The following PDE8B variants were observed in gnomAD, a reference collection of about 807,000 sequenced individuals.
The protein encoded by PDE8B is phosphodiesterase 8B.
Under a neutral mutation model 101.3 loss-of-function variants are expected in PDE8B, and 26 were observed. That is an observed-to-expected ratio of 0.26 (90% CI 0.19 to 0.36). The LOEUF (loss-of-function observed/expected upper bound fraction) is 0.36. Among genes scored for constraint, PDE8B ranks in the 10% least tolerant of loss-of-function variants. PDE8B has a pLI of 1.00. For synonymous variants in PDE8B, 424 were observed against 429.3 expected (o/e 0.99, Z 0.15); for missense variants, 810 against 1,163.1 (o/e 0.70, Z 4.42).
chr5:77,421,693 A>C (rs900484191), intron 19 of PDE8B, 128 bp from the exon 20 acceptor site: 19 of 807,808 alleles, frequency 2.4e-5, no homozygotes, highest in Non-Finnish European at 4.0e-5. Context: ...AAAAAAGGAA[A>C]AGCTGCCTTC....
intron 1 of PDE8B, among the ~76,000 whole-genome samples, chr5:77,219,098 T>C (rs1221864441): frequency 6.6e-6 from 1 of 152,204 alleles, no homozygotes; most frequent in Non-Finnish European, 1.5e-5. Context: ...GAGCCTGCAC[T>C]CAGCAGAATT....
At chr5:77,223,646 C>G (rs1751694503) in intron 1 of PDE8B, among the ~76,000 whole-genome samples, 1 of 152,056 alleles carries the variant, frequency 6.6e-6, no homozygotes, top group South Asian at 2.1e-4. Context: ...GTTTGTAGCT[C>G]CATTTTTGCT....
chr5:77,121,600 C>T, the PDE8B span, among the ~76,000 whole-genome samples: 7 of 151,870 alleles, frequency 4.6e-5, no homozygotes, highest in African/African-American at 1.5e-4. Flanking sequence ...CTCCGCCTCC[C>T]GGGTTCAAGC....
the PDE8B span, among the ~76,000 whole-genome samples, chr5:77,161,351 T>C: frequency 6.6e-6 from 1 of 152,194 alleles, no homozygotes; most frequent in Non-Finnish European, 1.5e-5. Flanking sequence ...GTCGTATTAG[T>C]AGTTTGTTCC....
chr5:77,315,650 A>G (rs1490096678), intron 2 of PDE8B, among the ~76,000 whole-genome samples: 2 of 152,186 alleles, frequency 1.3e-5, no homozygotes, highest in African/African-American at 2.4e-5. Context: ...TTTTGTGACT[A>G]TGTGATCTAT....
chr5:77,158,570 C>G, the PDE8B span, among the ~76,000 whole-genome samples: 1 of 152,166 alleles, frequency 6.6e-6, no homozygotes, highest in African/African-American at 2.4e-5. Context: ...AGAAGGACAT[C>G]TGGTTGATTC....
intron 10 of PDE8B, among the ~76,000 whole-genome samples, chr5:77,364,124 C>T (rs1783668447): frequency 6.6e-6 from 1 of 152,192 alleles, no homozygotes; most frequent in Non-Finnish European, 1.5e-5. Flanking sequence ...ACTGGAGGCC[C>T]AGACCTGCGT....
chr5:77,384,480 A>T (rs915016361), intron 10 of PDE8B, among the ~76,000 whole-genome samples: 4 of 152,116 alleles, frequency 2.6e-5, no homozygotes, highest in African/African-American at 9.7e-5. Context: ...CTCTTGCCTG[A>T]TTGCCCTTGC....
chr5:77,354,403 T>C (rs1781711116), intron 10 of PDE8B, among the ~76,000 whole-genome samples: 1 of 152,186 alleles, frequency 6.6e-6, no homozygotes, highest in South Asian at 2.1e-4. Flanking sequence ...TGTTTTCACA[T>C]AATACCATGA....
At chr5:77,353,878 C>T (rs774046576) in intron 10 of PDE8B, among the ~76,000 whole-genome samples, 7 of 152,074 alleles carry the variant, frequency 4.6e-5, no homozygotes, top group Non-Finnish European at 8.8e-5. Context: ...TTTTAAGAAG[C>T]CACTTTATTT....
At chr5:77,224,459 T>G (rs1751891151) in intron 1 of PDE8B, among the ~76,000 whole-genome samples, 1 of 152,198 alleles carries the variant, frequency 6.6e-6, no homozygotes, top group Non-Finnish European at 1.5e-5. Flanking sequence ...ATTCTTTTAT[T>G]TATACCTCCT....
At chr5:77,314,887 G>A (rs1333221403) in intron 2 of PDE8B, among the ~76,000 whole-genome samples, 1 of 152,110 alleles carries the variant, frequency 6.6e-6, no homozygotes, top group Non-Finnish European at 1.5e-5. Context: ...TCTGGTGGAT[G>A]AGTAGTATTA....
At chr5:77,262,907 C>T (rs911415415) in intron 1 of PDE8B, among the ~76,000 whole-genome samples, 1 of 152,242 alleles carries the variant, frequency 6.6e-6, no homozygotes, top group African/African-American at 2.4e-5. Flanking sequence ...GAGTACGCAT[C>T]AGATTTTCAC....
Position 77,380,756 on chromosome 5 carries a change from A to G in PDE8B, c.1168-19492A>G, listed in dbSNP as rs1581367695. On this transcript the variant is annotated intron_variant, in intron 10 of 21. Coordinates refer to ENST00000264917, the MANE Select transcript of PDE8B (RefSeq NM_003719.5). ...GAACTTATAGATAGACATTATTCAA[A>G]TAAGTACTGATTTATGAACTGTTAT... 2.6e-5 allele frequency among the ~76,000 whole-genome samples: 4 copies of G among 152,346 alleles called. No homozygotes were observed. The South Asian group carries it at 8.3e-4, about 32-fold the overall frequency.
At chr5:77,181,635 A>G in the PDE8B span, among the ~76,000 whole-genome samples, 17 of 152,130 alleles carry the variant, frequency 1.1e-4, no homozygotes, top group African/African-American at 3.9e-4. Flanking sequence ...GCGAGGTGTG[A>G]GTTACTAGGA....
chr5:77,271,719 C>A (rs1762835983), intron 1 of PDE8B, among the ~76,000 whole-genome samples: 1 of 152,188 alleles, frequency 6.6e-6, no homozygotes, highest in Admixed American at 6.5e-5. Context: ...TCTGGCTGGA[C>A]ATCCCCAAAG....
At chr5:77,270,703 G>C (rs980046843) in intron 1 of PDE8B, among the ~76,000 whole-genome samples, 3 of 152,154 alleles carry the variant, frequency 2.0e-5, no homozygotes, top group Non-Finnish European at 1.5e-5. Flanking sequence ...TTAAACCTTG[G>C]CCCCACACTC....
chr5:77,139,406 G>A, the PDE8B span: 1 of 152,270 alleles, frequency 6.6e-6, no homozygotes, highest in Non-Finnish European at 1.5e-5. Context: ...TTAAATAAAT[G>A]GTGGTTGTTT....
intron 10 of PDE8B, among the ~76,000 whole-genome samples, chr5:77,368,738 C>G (rs73764823): frequency 0.013 from 1,940 of 152,258 alleles, 41 homozygotes; most frequent in African/African-American, 0.045. Flanking sequence ...TTACCAGCAT[C>G]ATGTCTTATA....
Sources: gnomAD v4.1 joint callset for allele counts (sites outside exome capture counted in the v4.1 genomes callset) on GRCh38, gnomAD v4.1.1 for gene constraint, MANE v1.5 for transcripts, NCBI Gene and HGNC (gene_info 2026-07-23, HGNC 2026-07-21) for gene names.